Variants in SGIP1 observed in about 807,000 individuals in gnomAD.
The protein encoded by SGIP1 is SH3GL interacting endocytic adaptor 1, also known as SH3-containing GRB2-like protein 3-interacting protein 1.
Under a neutral mutation model 107.5 loss-of-function variants are expected in SGIP1, and 38 were observed. That is an observed-to-expected ratio of 0.35 (90% CI 0.27 to 0.46). The LOEUF is 0.46. Among genes scored for constraint, SGIP1 ranks in the 20% least tolerant of loss-of-function variants. The pLI, the probability that SGIP1 is intolerant of heterozygous loss-of-function variation, is 1.00. For synonymous variants in SGIP1, 365 were observed against 366.1 expected, an observed-to-expected ratio of 1.00 and a Z score of 0.03; for missense variants, 929 against 1,019.5, an observed-to-expected ratio of 0.91 and a Z score of 1.21.
At chr1:66,667,419 G>C in intron 8 of SGIP1, 111 bp from the exon 9 acceptor site, 1 of 968,482 alleles carries the variant, frequency 1.0e-6, no homozygotes, top group South Asian at 1.3e-5. Context: ...TGATTCTCTG[G>C]AGTGTATGTT....
intron 21 of SGIP1, among the ~76,000 whole-genome samples, chr1:66,737,120 A>T (rs1338232157): frequency 6.6e-6 from 1 of 151,968 alleles, no homozygotes; most frequent in African/African-American, 2.4e-5. Context: ...AGAAAGGAAA[A>T]CTCTAAATGT....
intron 1 of SGIP1, among the ~76,000 whole-genome samples, chr1:66,594,082 G>C (rs1204287564): frequency 6.6e-6 from 1 of 152,138 alleles, no homozygotes. Flanking sequence ...AAAGTGGAAA[G>C]TGAGTATAAG....
chr1:66,630,883 GAA>G (rs1558134018), intron 2 of SGIP1, among the ~76,000 whole-genome samples: 3 of 48,356 alleles, frequency 6.2e-5, no homozygotes, highest in Non-Finnish European at 6.9e-5. Flanking sequence ...AAGAAAGAAA[GAA>G]AGAAAGAAAG....
intron 9 of SGIP1, among the ~76,000 whole-genome samples, chr1:66,668,711 T>G (rs1337034347): frequency 6.6e-6 from 1 of 152,194 alleles, no homozygotes. Flanking sequence ...ACATAGCTAA[T>G]GCCATTCAAA....
At chr1:66,622,141 G>T (rs1213581847) in intron 1 of SGIP1, among the ~76,000 whole-genome samples, 4 of 152,158 alleles carry the variant, frequency 2.6e-5, no homozygotes, top group Admixed American at 1.3e-4. Context: ...ATATAGAATT[G>T]CCTAGGACAA....
chr1:66,736,271 T>G (rs1197150113), intron 21 of SGIP1, among the ~76,000 whole-genome samples: 1 of 86,110 alleles, frequency 1.2e-5, no homozygotes, highest in Non-Finnish European at 2.5e-5. Flanking sequence ...TATAAATATT[T>G]ATACAAATAG....
chr1:66,635,547 A>G (rs1485843512), intron 3 of SGIP1, among the ~76,000 whole-genome samples: 1 of 152,254 alleles, frequency 6.6e-6, no homozygotes. Flanking sequence ...GCTTTGATCC[A>G]GGCTAAACTG....
chr1:66,572,874 A>T (rs911211887), intron 1 of SGIP1, among the ~76,000 whole-genome samples: 1 of 152,156 alleles, frequency 6.6e-6, no homozygotes, highest in Non-Finnish European at 1.5e-5. Context: ...TTCAGCAATT[A>T]AAAGGAATGA....
intron 18 of SGIP1, among the ~76,000 whole-genome samples, chr1:66,712,444 A>G (rs74576481): frequency 0.01 from 1,524 of 152,322 alleles, 13 homozygotes; most frequent in Admixed American, 0.015. Flanking sequence ...CTCACTGCAC[A>G]TGATTGGCGG....
chr1:66,700,274 G>A (rs1431153788), intron 18 of SGIP1, among the ~76,000 whole-genome samples: 1 of 151,810 alleles, frequency 6.6e-6, no homozygotes, highest in Non-Finnish European at 1.5e-5. Flanking sequence ...GGGAGGCTGA[G>A]GCAGGAGAAC....
chr1:66,654,861 G>T (rs1998717), intron 7 of SGIP1, among the ~76,000 whole-genome samples: 21,579 of 152,198 alleles, frequency 0.14, 2,307 homozygotes, highest in East Asian at 0.51. Flanking sequence ...CAAGCTGCCT[G>T]TCCCAATGTG....
At chr1:66,675,205 A>T (rs2084905502) in intron 12 of SGIP1, among the ~76,000 whole-genome samples, 1 of 152,220 alleles carries the variant, frequency 6.6e-6, no homozygotes, top group South Asian at 2.1e-4. Context: ...AATCATTCTT[A>T]AAAATCATAG....
intron 10 of SGIP1, among the ~76,000 whole-genome samples, chr1:66,671,701 T>C (rs958727055): frequency 1.6e-4 from 24 of 152,210 alleles, no homozygotes; most frequent in Admixed American, 1.6e-3. Flanking sequence ...ATCTTCTATT[T>C]GATGGCTTGT....
At chr1:66,585,848 A>G (rs1476819081) in intron 1 of SGIP1, among the ~76,000 whole-genome samples, 2 of 152,126 alleles carry the variant, frequency 1.3e-5, no homozygotes, top group African/African-American at 4.8e-5. Context: ...CTTATGAAAG[A>G]GTATGTGTTA....
intron 1 of SGIP1, among the ~76,000 whole-genome samples, chr1:66,538,417 A>G (rs888894884): frequency 1.3e-5 from 2 of 152,140 alleles, no homozygotes; most frequent in Non-Finnish European, 2.9e-5. Flanking sequence ...GTTCTGTATC[A>G]TAAAGAACCT....
chr1:66,661,551 A>G (rs1301928633), intron 8 of SGIP1, among the ~76,000 whole-genome samples: 1 of 152,216 alleles, frequency 6.6e-6, no homozygotes, highest in African/African-American at 2.4e-5. Context: ...GTTTCCAAAA[A>G]TAAAATAGGC....
At position 66,683,700 on chromosome 1, in the gene SGIP1, C is replaced by CTTTTTTT. The variant is rs869266510; in HGVS notation, c.1315+1353_1315+1359dup. On this transcript the variant is annotated intron_variant, in intron 15 of 24. Transcript: ENST00000371037. ...ACCACACTGTTTGTTTGTTTCTTTT[C>CTTTTTTT]TTTTTTTTTTTTTTTTTTTTTTTTT... is the stretch of plus-strand genomic sequence containing the variant. 5.0e-3 allele frequency among the ~76,000 whole-genome samples: 307 copies of CTTTTTTT among 61,378 alleles called. 13 individuals are homozygous for CTTTTTTT. The highest frequency in any genetic ancestry group is 0.012 in the African/African-American group (218 of 17,634). 40.3% of individuals were successfully genotyped at this position (61,378 alleles called of 152,430 possible). A position where few individuals can be genotyped will look rare whatever the true frequency, so the allele number is the denominator to read the frequency against.
intron 17 of SGIP1, chr1:66,694,623 C>G: frequency 4.5e-6 from 3 of 662,554 alleles, no homozygotes; most frequent in Non-Finnish European, 7.0e-6. Flanking sequence ...CAGTGCCTCT[C>G]AGATGCACCC....
chr1:66,737,285 A>C (rs1158816210), intron 21 of SGIP1, among the ~76,000 whole-genome samples: 1 of 152,194 alleles, frequency 6.6e-6, no homozygotes, highest in African/African-American at 2.4e-5. Flanking sequence ...CAGATAAAAA[A>C]ATTTTTTAAA....
Sources: allele counts gnomAD v4.1 joint callset (sites outside exome capture counted in the v4.1 genomes callset), GRCh38; gene constraint gnomAD v4.1.1; transcripts MANE v1.5; gene names NCBI Gene and HGNC (gene_info 2026-07-23, HGNC 2026-07-21).